The following CNTLN variants were observed in gnomAD, a reference collection of about 807,000 sequenced individuals.
CNTLN encodes centlein, centrosomal protein.
CNTLN carries 212 observed loss-of-function variants against 180.0 expected under a neutral mutation model. The ratio of observed to expected loss-of-function variants is 1.18; its 90% CI spans 1.05 to 1.32. The LOEUF is 1.32. CNTLN is among the 40% of genes most tolerant of loss of function. The probability of loss-of-function intolerance (pLI) is 0.00; values close to 1 mark genes in which losing one functional copy is unlikely to be tolerated. For synonymous variants in CNTLN, 722 were observed against 563.1 expected, an observed-to-expected ratio of 1.28 and a Z score of -3.99; for missense variants, 2,095 against 1,610.9, an observed-to-expected ratio of 1.30 and a Z score of -5.14.
intron 18 of CNTLN, among the ~76,000 whole-genome samples, chr9:17,431,922 A>C (rs1223768463): frequency 6.6e-6 from 1 of 152,216 alleles, no homozygotes; most frequent in Non-Finnish European, 1.5e-5. Context: ...ATCTTATTAA[A>C]GCACTTCTCT....
At chr9:17,330,913 G>T in intron 9 of CNTLN, 105 bp downstream of exon 9, 1 of 1,087,316 alleles carries the variant, frequency 9.2e-7, no homozygotes, top group Admixed American at 2.6e-5. Flanking sequence ...CTTGTATTTC[G>T]GGAAACTTTT....
At chr9:17,356,608 A>G (rs1007153145) in intron 12 of CNTLN, among the ~76,000 whole-genome samples, 2 of 152,154 alleles carry the variant, frequency 1.3e-5, no homozygotes, top group African/African-American at 4.8e-5. Context: ...GAGTTTTATA[A>G]TATTAGTTAC....
intron 2 of CNTLN, among the ~76,000 whole-genome samples, chr9:17,222,730 C>A (rs1022294529): frequency 2.0e-5 from 3 of 152,040 alleles, no homozygotes; most frequent in Non-Finnish European, 4.4e-5. Flanking sequence ...ACAGTCATTT[C>A]TCAGTCTTTA....
intron 10 of CNTLN, among the ~76,000 whole-genome samples, chr9:17,338,468 C>A (rs1821226986): frequency 6.7e-6 from 1 of 150,020 alleles, no homozygotes; most frequent in Non-Finnish European, 1.5e-5. Flanking sequence ...CCACTGTGTC[C>A]AGCCTATTAA....
chr9:17,499,349 A>G (rs10511635), intron 25 of CNTLN, among the ~76,000 whole-genome samples: 29,092 of 152,156 alleles, frequency 0.19, 3,149 homozygotes, highest in Non-Finnish European at 0.25. Context: ...AATAACTCTC[A>G]ATTAACCAAA....
intron 15 of CNTLN, among the ~76,000 whole-genome samples, chr9:17,404,738 ATT>A (rs36050481): frequency 1.0e-4 from 14 of 135,444 alleles, no homozygotes; most frequent in African/African-American, 2.5e-4. Context: ...TCTGAAACAA[ATT>A]TTTTTTTTTT....
At chr9:17,185,769 ATT>A (rs1206218679) in intron 2 of CNTLN, among the ~76,000 whole-genome samples, 1 of 97,794 alleles carries the variant, frequency 1.0e-5, no homozygotes, top group Non-Finnish European at 2.0e-5. Flanking sequence ...AATGTTTCCC[ATT>A]TGTGTGTGTG....
intron 2 of CNTLN, among the ~76,000 whole-genome samples, chr9:17,150,984 G>A (rs138183863): frequency 1.6e-4 from 24 of 152,206 alleles, no homozygotes; most frequent in Admixed American, 3.3e-4. Context: ...TGTGATTTTC[G>A]CACATTGATT....
chr9:17,271,733 C>G (rs1015845866), intron 5 of CNTLN, among the ~76,000 whole-genome samples: 1 of 152,130 alleles, frequency 6.6e-6, no homozygotes, highest in Non-Finnish European at 1.5e-5. Context: ...CACTTATCAA[C>G]AGGTCCTGTC....
At chr9:17,137,476 T>C (rs76521871) in intron 1 of CNTLN, among the ~76,000 whole-genome samples, 7,781 of 152,188 alleles carry the variant, frequency 0.051, 250 homozygotes, top group East Asian at 0.17. Context: ...CTGCTGAAAA[T>C]TACAACTCGA....
chr9:17,244,708 T>C (rs1825702085), intron 5 of CNTLN, among the ~76,000 whole-genome samples: 2 of 152,186 alleles, frequency 1.3e-5, no homozygotes, highest in Admixed American at 1.3e-4. Context: ...TTTGTGGTCT[T>C]CTCTTCCATG....
chr9:17,198,260 T>C (rs550217013), intron 2 of CNTLN, among the ~76,000 whole-genome samples: 2 of 152,270 alleles, frequency 1.3e-5, no homozygotes, highest in East Asian at 3.9e-4. Flanking sequence ...TTTTTTTCTA[T>C]TTTTGTGAAG....
chr9:17,419,693 C>T (rs1828553379), intron 18 of CNTLN, among the ~76,000 whole-genome samples: 1 of 152,036 alleles, frequency 6.6e-6, no homozygotes, highest in South Asian at 2.1e-4. Context: ...ACCTTATACC[C>T]TTCAGAAATT....
rs1192540126 is a variant in CNTLN at position 17,332,639 on chromosome 9, C to G, written c.1553C>G (p.Pro518Arg). ...GTGAAACGTTCAAGGTCTTTGTCCC[C>G]AAAGAGCTCTTTCACAGACTCAGAA... ...PPVKRSRSLS[P>R]KSSFTDSEEL... Residue 518 changes from proline to arginine, a missense_variant, in exon 10 of 26, where the codon CCA (proline) becomes CGA (arginine). By Grantham distance (103) the Pro-to-Arg change is moderately radical. Transcript: ENST00000380647. 1.2e-5 allele frequency: 20 copies of G among 1,608,042 alleles called. No homozygotes were observed. The highest frequency in any genetic ancestry group is 1.4e-5 in the Non-Finnish European group (16 of 1,177,516).
intron 18 of CNTLN, among the ~76,000 whole-genome samples, chr9:17,427,083 A>C: frequency 6.6e-6 from 1 of 152,100 alleles, no homozygotes; most frequent in East Asian, 1.9e-4. Context: ...CTGAAGTTGC[A>C]GCACTCCAGA....
the CNTLN span, among the ~76,000 whole-genome samples, chr9:17,520,087 G>C: frequency 6.6e-6 from 1 of 152,150 alleles, no homozygotes; most frequent in Non-Finnish European, 1.5e-5. Flanking sequence ...TATTTATTTT[G>C]CTTGTGTAAA....
chr9:17,178,492 C>G (rs1208100611), intron 2 of CNTLN, among the ~76,000 whole-genome samples: 1 of 152,062 alleles, frequency 6.6e-6, no homozygotes, highest in Non-Finnish European at 1.5e-5. Flanking sequence ...CTCGGGCTGC[C>G]CGGGATCCCA....
intron 13 of CNTLN, among the ~76,000 whole-genome samples, chr9:17,378,333 C>T (rs941438725): frequency 3.9e-5 from 6 of 152,116 alleles, no homozygotes; most frequent in Admixed American, 3.3e-4. Flanking sequence ...GCATGCACCA[C>T]CATGCCCAGC....
intron 8 of CNTLN, among the ~76,000 whole-genome samples, chr9:17,312,364 T>TATAA (rs369729227): frequency 4.5e-4 from 9 of 20,178 alleles, no homozygotes; most frequent in Non-Finnish European, 5.7e-4. Flanking sequence ...TATATATATA[T>TATAA]TATATATATA....
Sources: gnomAD v4.1 joint callset for allele counts (sites outside exome capture counted in the v4.1 genomes callset) on GRCh38, gnomAD v4.1.1 for gene constraint, MANE v1.5 for transcripts, NCBI Gene and HGNC (gene_info 2026-07-23, HGNC 2026-07-21) for gene names.